Variants in LINGO1 observed in about 807,000 individuals in gnomAD.
LINGO1 encodes the protein leucine rich repeat and Ig domain containing 1.
LINGO1 carries 11 observed loss-of-function variants against 37.3 expected under a neutral mutation model. The observed-to-expected ratio is 0.29, with a 90% CI of 0.19 to 0.49. The LOEUF (loss-of-function observed/expected upper bound fraction) is 0.49. Among genes scored for constraint, LINGO1 ranks in the 20% least tolerant of loss-of-function variants. LINGO1 has a pLI of 0.99. For synonymous variants in LINGO1, 387 were observed against 403.0 expected, an observed-to-expected ratio of 0.96 and a Z score of 0.48; for missense variants, 585 against 878.2, an observed-to-expected ratio of 0.67 and a Z score of 4.22.
intron 1 of LINGO1, among the ~76,000 whole-genome samples, chr15:77,626,892 T>G (rs2074105922): frequency 6.6e-6 from 1 of 152,096 alleles, no homozygotes; most frequent in South Asian, 2.1e-4. Flanking sequence ...CAGTAGCCCC[T>G]CTCAGCTCTG....
intron 1 of LINGO1, among the ~76,000 whole-genome samples, chr15:77,752,680 G>A (rs181540253): frequency 3.7e-4 from 57 of 152,298 alleles, no homozygotes; most frequent in African/African-American, 1.3e-3. Flanking sequence ...GTAGGGGCTC[G>A]GATTCTGACA....
At chr15:77,780,857 T>C (rs1229789649) in intron 1 of LINGO1, among the ~76,000 whole-genome samples, 1 of 149,634 alleles carries the variant, frequency 6.7e-6, no homozygotes, top group African/African-American at 2.5e-5. Flanking sequence ...ACCCCGACCA[T>C]GCCGGCACCC....
At chr15:77,794,592 T>TA (rs1567588714) in intron 2 of LINGO1, among the ~76,000 whole-genome samples, 2,091 of 18,404 alleles carry the variant, frequency 0.11, 121 homozygotes, top group Non-Finnish European at 0.17. Flanking sequence ...ATATATATAT[T>TA]TTTTTTTTTT....
At chr15:77,761,019 C>T (rs1001751803) in intron 1 of LINGO1, among the ~76,000 whole-genome samples, 2 of 149,622 alleles carry the variant, frequency 1.3e-5, no homozygotes, top group African/African-American at 5.0e-5. Flanking sequence ...CTTTGCCTCC[C>T]AGAATCAGGT....
intron 3 of LINGO1, among the ~76,000 whole-genome samples, chr15:77,654,266 GTTGT>G (rs2074822324): frequency 6.6e-6 from 1 of 152,186 alleles, no homozygotes; most frequent in Admixed American, 6.5e-5. Flanking sequence ...AGATTTTGAG[GTTGT>G]TTGTTACTGC....
intron 2 of LINGO1, among the ~76,000 whole-genome samples, chr15:77,707,954 G>C (rs1329615984): frequency 6.6e-6 from 1 of 152,144 alleles, no homozygotes; most frequent in African/African-American, 2.4e-5. Context: ...GAAAGAAAGA[G>C]CTCTCTCCTA....
intron 1 of LINGO1, among the ~76,000 whole-genome samples, chr15:77,812,585 C>G (rs533895629): frequency 2.0e-5 from 3 of 152,216 alleles, no homozygotes; most frequent in Admixed American, 6.5e-5. Context: ...GGGGGGCTTG[C>G]GTCTCTTTCT....
At chr15:77,786,797 G>C (rs1445486989) in intron 1 of LINGO1, 1 of 152,336 alleles carries the variant, frequency 6.6e-6, no homozygotes, top group Non-Finnish European at 1.5e-5. Context: ...TAGTGACCTG[G>C]AGGGCCCTGG....
At chr15:77,795,591 TC>T (rs1352436826) in intron 2 of LINGO1, among the ~76,000 whole-genome samples, 16 of 152,088 alleles carry the variant, frequency 1.1e-4, no homozygotes, top group Non-Finnish European at 2.4e-4. Flanking sequence ...ATGTTCTGGC[TC>T]CCTCCTGACC....
At chr15:77,753,816 G>A (rs1363897948) in intron 1 of LINGO1, among the ~76,000 whole-genome samples, 1 of 152,220 alleles carries the variant, frequency 6.6e-6, no homozygotes, top group East Asian at 1.9e-4. Flanking sequence ...CCTTACAGGC[G>A]TGAAGTTTGC....
At chr15:77,727,746 TA>T (rs1245725098) in intron 2 of LINGO1, among the ~76,000 whole-genome samples, 92 of 144,822 alleles carry the variant, frequency 6.4e-4, no homozygotes, top group Non-Finnish European at 4.9e-4. Flanking sequence ...TACCATAATT[TA>T]AAAAAAAAAA....
intron 1 of LINGO1, among the ~76,000 whole-genome samples, chr15:77,759,806 C>T (rs2076456537): frequency 6.6e-6 from 1 of 152,210 alleles, no homozygotes; most frequent in Non-Finnish European, 1.5e-5. Flanking sequence ...ATTGGTAATA[C>T]AGCTGTTTTA....
Position 77,632,200 on chromosome 15 carries a change from C to A in LINGO1, c.6+110G>T, listed in dbSNP as rs540249463. On this transcript the variant is annotated intron_variant, in intron 1 of 1. Transcript: ENST00000355300. The surrounding 1 kb of genome is among the most constrained non-coding windows in gnomAD (Gnocchi z 6.0). The stretch of plus-strand genomic sequence containing the variant: ...GACCCCAAAGGAGGTCTGGGTGGCA[C>A]CGAGGTGCCCTGCAACCCCAGGAGG... 1.5e-4 allele frequency: 178 copies of A among 1,158,834 alleles called. No individual in the cohort carries two copies. In the East Asian group the frequency reaches 4.6e-3, roughly 30 times the overall value. 71.8% of individuals were successfully genotyped at this position (1,158,834 alleles called of 1,614,324 possible).
chr15:77,691,371 C>A (rs2075600075), intron 1 of LINGO1, among the ~76,000 whole-genome samples: 1 of 152,134 alleles, frequency 6.6e-6, no homozygotes, highest in Non-Finnish European at 1.5e-5. Context: ...CTCCAACTCC[C>A]AGCCCTGATC....
intron 1 of LINGO1, among the ~76,000 whole-genome samples, chr15:77,783,230 G>A (rs2076738347): frequency 6.6e-6 from 1 of 152,206 alleles, no homozygotes; most frequent in Non-Finnish European, 1.5e-5. Flanking sequence ...TGTTTGCCAT[G>A]CTGTCACTCC....
At chr15:77,762,844 C>T (rs551357483) in intron 1 of LINGO1, among the ~76,000 whole-genome samples, 14 of 152,282 alleles carry the variant, frequency 9.2e-5, no homozygotes, top group Non-Finnish European at 1.9e-4. Context: ...TGCCCCAGGG[C>T]TTTTGCTGCA....
At chr15:77,819,837 G>T (rs2077083566) in intron 1 of LINGO1, among the ~76,000 whole-genome samples, 1 of 151,306 alleles carries the variant, frequency 6.6e-6, no homozygotes, top group Non-Finnish European at 1.5e-5. Flanking sequence ...CGGGCTTCTC[G>T]CACTCCCGCG....
chr15:77,716,253 T>C (rs558607233), intron 2 of LINGO1, among the ~76,000 whole-genome samples: 3 of 140,642 alleles, frequency 2.1e-5, no homozygotes, highest in South Asian at 4.8e-4. Flanking sequence ...CTCCCCACTT[T>C]GGGCTATTTT....
intron 3 of LINGO1, among the ~76,000 whole-genome samples, chr15:77,662,660 C>T (rs1229019776): frequency 6.6e-6 from 1 of 152,128 alleles, no homozygotes; most frequent in East Asian, 1.9e-4. Context: ...GCCTGCCTGC[C>T]TCTCTGTGAC....
Sources: allele counts gnomAD v4.1 joint callset (sites outside exome capture counted in the v4.1 genomes callset), GRCh38; gene constraint gnomAD v4.1.1; non-coding constraint Gnocchi (gnomAD v3.1); transcripts MANE v1.5; gene names NCBI Gene and HGNC (gene_info 2026-07-23, HGNC 2026-07-21).